Variants in ATP9B observed in about 807,000 individuals in gnomAD.
ATP9B encodes the protein ATPase phospholipid transporting 9B.
ATP9B carries 110 observed loss-of-function variants against 146.1 expected under a neutral mutation model. The observed-to-expected ratio is 0.75, with a 90% CI of 0.65 to 0.88. The LOEUF (loss-of-function observed/expected upper bound fraction) is 0.88, where lower values mean the gene tolerates loss of function less well. ATP9B is among the 40% of genes least tolerant of loss of function. The probability of loss-of-function intolerance (pLI) is 0.00; values close to 1 mark genes in which losing one functional copy is unlikely to be tolerated. For missense variants in ATP9B, 1,499 were observed against 1,496.4 expected, an observed-to-expected ratio of 1.00 and a Z score of -0.03; for synonymous variants, 604 against 569.7, an observed-to-expected ratio of 1.06 and a Z score of -0.86.
At chr18:79,177,838 G>A (rs927070278) in intron 8 of ATP9B, among the ~76,000 whole-genome samples, 3 of 152,190 alleles carry the variant, frequency 2.0e-5, no homozygotes, top group African/African-American at 7.2e-5. Flanking sequence ...TCAAAGCCAG[G>A]CAGTGAAGTG....
chr18:79,346,149 CTCAGCACACGG>C (rs1168464261), intron 23 of ATP9B, among the ~76,000 whole-genome samples: 1 of 148,830 alleles, frequency 6.7e-6, no homozygotes, highest in Non-Finnish European at 1.5e-5. Flanking sequence ...TCAGCACACA[CTCAGCACACGG>C]TCAGCGCACA....
At chr18:79,174,026 GA>G (rs1234235131) in intron 7 of ATP9B, 2 of 326,612 alleles carry the variant, frequency 6.1e-6, no homozygotes, top group African/African-American at 4.4e-5. Flanking sequence ...GATACCCGAG[GA>G]ATTGAGCTGG....
intron 11 of ATP9B, among the ~76,000 whole-genome samples, chr18:79,246,305 G>A (rs189135790): frequency 2.4e-3 from 229 of 95,272 alleles, no homozygotes; most frequent in Admixed American, 3.1e-3. Flanking sequence ...GGAGGGCACC[G>A]CCCTACTGAC....
intron 2 of ATP9B, among the ~76,000 whole-genome samples, chr18:79,106,763 T>C (rs2075676895): frequency 6.6e-6 from 1 of 152,196 alleles, no homozygotes; most frequent in Admixed American, 6.5e-5. Flanking sequence ...TTTTTAGCAG[T>C]GGGCATTGAA....
At chr18:79,246,522 G>A (rs911677580) in intron 11 of ATP9B, among the ~76,000 whole-genome samples, 1 of 152,224 alleles carries the variant, frequency 6.6e-6, no homozygotes, top group African/African-American at 2.4e-5. Flanking sequence ...GGATGTTCAA[G>A]TATGTAGATT....
At chr18:79,285,955 C>G (rs202229850) in intron 13 of ATP9B, among the ~76,000 whole-genome samples, 5 of 145,636 alleles carry the variant, frequency 3.4e-5, no homozygotes, top group African/African-American at 5.1e-5. Flanking sequence ...TCTGAGGGCT[C>G]TGTTATGTTC....
intron 4 of ATP9B, 79 bp downstream of exon 4, chr18:79,113,433 T>C: frequency 1.1e-6 from 1 of 888,112 alleles, no homozygotes. Flanking sequence ...GGTTAAAAGT[T>C]AAATTGACCA....
In ATP9B at chr18:79,296,077, G is replaced by A. The variant is rs572877310; in HGVS notation, c.1412-7527G>A. ...GTGACTCAGGCTGGAGTGCAGTGTC[G>A]TGATCACAGCTCACTGCAGCCTCAA... is the stretch of plus-strand genomic sequence containing the variant. On this transcript the variant is annotated intron_variant, in intron 13 of 29. Transcript: ENST00000426216. 1.9e-4 allele frequency among the ~76,000 whole-genome samples: 29 copies of A among 152,206 alleles called. No individual in the cohort carries two copies. The East Asian group carries it at 3.7e-3, about 19-fold the overall frequency.
intron 12 of ATP9B, among the ~76,000 whole-genome samples, chr18:79,265,851 C>T (rs2096198093): frequency 6.6e-6 from 1 of 152,100 alleles, no homozygotes; most frequent in African/African-American, 2.4e-5. Context: ...GGTTGTCTTC[C>T]AGGATTTCTA....
intron 15 of ATP9B, among the ~76,000 whole-genome samples, chr18:79,323,811 G>A (rs916565658): frequency 3.3e-5 from 5 of 152,266 alleles, no homozygotes; most frequent in African/African-American, 1.2e-4. Flanking sequence ...CTTTCTTTGG[G>A]GGATATTCCC....
At chr18:79,134,929 A>C (rs1158543369) in intron 5 of ATP9B, among the ~76,000 whole-genome samples, 5 of 152,196 alleles carry the variant, frequency 3.3e-5, no homozygotes, top group African/African-American at 1.2e-4. Context: ...GTTTTCATAC[A>C]GTGTTTCTGG....
chr18:79,155,378 A>G (rs2094758577), intron 7 of ATP9B, among the ~76,000 whole-genome samples: 1 of 152,230 alleles, frequency 6.6e-6, no homozygotes, highest in African/African-American at 2.4e-5. Flanking sequence ...ATAGAAGCCT[A>G]GTGTCGCCAA....
chr18:79,377,428 T>C lies in ATP9B; in HGVS notation c.*45T>C. 2 of 1,594,048 alleles carry C rather than the reference T, an allele frequency of 1.3e-6. No homozygotes were observed. Among genetic ancestry groups the C allele is most frequent in the Non-Finnish European group, 1.7e-6 (2 of 1,175,044 alleles). ...GGGCTGGCCCCAGCACCTTCTGCCC[T>C]TCCCAGCACCTTGTGCCCTTGCCAG... On this transcript the variant is annotated 3_prime_UTR_variant, in exon 30 of 30. Coordinates refer to ENST00000426216, the MANE Select transcript of ATP9B (RefSeq NM_198531.5).
intron 13 of ATP9B, among the ~76,000 whole-genome samples, chr18:79,290,511 T>C (rs898335733): frequency 1.7e-4 from 26 of 152,356 alleles, no homozygotes; most frequent in Admixed American, 1.2e-3. Context: ...TTCCAGGTGC[T>C]GTCTGTCACC....
At chr18:79,314,676 G>C (rs2096669906) in intron 15 of ATP9B, among the ~76,000 whole-genome samples, 2 of 152,248 alleles carry the variant, frequency 1.3e-5, no homozygotes, top group African/African-American at 4.8e-5. Flanking sequence ...TTCTCTAAGA[G>C]AGTAGAAAGT....
chr18:79,222,115 A>G (rs1327632634), intron 11 of ATP9B, among the ~76,000 whole-genome samples: 1 of 152,050 alleles, frequency 6.6e-6, no homozygotes, highest in Non-Finnish European at 1.5e-5. Context: ...ATTTATATTT[A>G]TCTCTTAGTC....
Position 79,330,008 on chromosome 18 carries a change from A to G in ATP9B, c.1936-4A>G, listed in dbSNP as rs769534969. On this transcript the variant is annotated splice_region_variant and splice_polypyrimidine_tract_variant and intron_variant, in intron 16 of 29. Transcript: ENST00000426216. ...TGCCTCTGTTTATTTTTGTTCTTTG[A>G]TAGGATGAATCCACGGCAGAAATCA... The G allele has an allele frequency of 8.1e-6, 13 of 1,613,550 alleles. No homozygotes were observed. The Admixed American group carries it at 2.2e-4, about 27-fold the overall frequency.
chr18:79,336,851 TGG>T (rs1355195450), intron 18 of ATP9B, 140 bp downstream of exon 18: 2 of 812,226 alleles, frequency 2.5e-6, no homozygotes, highest in African/African-American at 3.4e-5. Flanking sequence ...AGCAGGAGCA[TGG>T]GGTGATCCTG....
At chr18:79,101,998 T>G (rs2075314659) in intron 2 of ATP9B, among the ~76,000 whole-genome samples, 1 of 152,160 alleles carries the variant, frequency 6.6e-6, no homozygotes, top group African/African-American at 2.4e-5. Context: ...CAGGCTGGAG[T>G]GCAGTGGCTC....
Sources: gnomAD v4.1 joint callset for allele counts (sites outside exome capture counted in the v4.1 genomes callset) on GRCh38, gnomAD v4.1.1 for gene constraint, MANE v1.5 for transcripts, NCBI Gene and HGNC (gene_info 2026-07-23, HGNC 2026-07-21) for gene names.